Variants in ADAMTS14 observed in about 807,000 individuals in gnomAD.
ADAMTS14 encodes A disintegrin and metalloproteinase with thrombospondin motifs 14.
ADAMTS14 carries 100 observed loss-of-function variants against 128.6 expected under a neutral mutation model. That is an observed-to-expected ratio of 0.78 (90% confidence interval 0.66 to 0.92). The LOEUF is 0.92. ADAMTS14 is among the 40% of genes least tolerant of loss of function. ADAMTS14 has a pLI of 0.00. For missense variants in ADAMTS14, 1,562 were observed against 1,658.6 expected (o/e 0.94, Z 1.01); for synonymous variants, 665 against 653.8 (o/e 1.02, Z -0.26).
Position 70,752,106 on chromosome 10 carries a change from A to G in ADAMTS14, c.2608A>G (p.Thr870Ala). Residue 870 changes from threonine to alanine, a missense_variant, in exon 18 of 22, where the codon ACC (threonine) becomes GCC (alanine). Physicochemically the swap from Thr to Ala is moderately conservative, Grantham distance 58 (BLOSUM62 0). Coordinates refer to ENST00000373207, the MANE Select transcript of ADAMTS14 (RefSeq NM_080722.4). ...TGCCCACCCCATAGGGATCCAGTTC[A>G]CCAAATACGGCTGCCGGCGCAGACG... ...SKACGGGIQF[T>A]KYGCRRRRDH... 1 of 1,613,160 alleles carries G rather than the reference A, an allele frequency of 6.2e-7. No homozygotes were observed. Among genetic ancestry groups the G allele is most frequent in the Non-Finnish European group, 8.5e-7 (1 of 1,179,796 alleles).
intron 2 of ADAMTS14, among the ~76,000 whole-genome samples, chr10:70,694,926 T>A (rs1840289810): frequency 1.3e-5 from 2 of 152,208 alleles, no homozygotes; most frequent in Admixed American, 1.3e-4. Context: ...GTGGTAATGC[T>A]GTTAATCATT....
chr10:70,741,356 T>C (rs987584956), intron 12 of ADAMTS14, among the ~76,000 whole-genome samples, 194 bp downstream of exon 12: 2 of 151,168 alleles, frequency 1.3e-5, no homozygotes, highest in African/African-American at 4.9e-5. Flanking sequence ...ACTTCTGGGG[T>C]CATCATCCCC....
rs1554817512 is a variant in ADAMTS14, at chr10:70,708,820, G to GGGTGGGCCCC, written c.870+43_870+52dup. On this transcript the variant is annotated intron_variant, in intron 4 of 21. Coordinates refer to ENST00000373207, the MANE Select transcript of ADAMTS14 (RefSeq NM_080722.4). ...CCTAGGACTTGGGGGGAGTGGGGTG[G>GGGTGGGCCCC]GGTGGGCCCCACCCCACCCCACTGG... 1,629 of 1,344,640 alleles carry GGGTGGGCCCC rather than the reference G, an allele frequency of 1.2e-3. 14 individuals carry two copies. The highest frequency in any genetic ancestry group is 4.0e-3 in the Admixed American group (160 of 40,310). The allele number at this position is 1,344,640 out of a possible 1,614,324, so 83.3% of individuals were successfully genotyped here. A position where few individuals can be genotyped will look rare whatever the true frequency, so the allele number is the denominator to read the frequency against.
chr10:70,707,174 G>A (rs4747082), intron 3 of ADAMTS14, among the ~76,000 whole-genome samples: 10,733 of 152,106 alleles, frequency 0.071, 494 homozygotes, highest in East Asian at 0.16. Context: ...TTTCTTATTT[G>A]TCCCCTCTAC....
At chr10:70,703,813 T>C (rs1001375552) in intron 3 of ADAMTS14, among the ~76,000 whole-genome samples, 2 of 152,176 alleles carry the variant, frequency 1.3e-5, no homozygotes, top group Non-Finnish European at 2.9e-5. Context: ...CAAAGAAATG[T>C]GGCTGCGACT....
rs968975466 is a variant in ADAMTS14 at position 70,672,609 on chromosome 10, C to T, written c.-194C>T. Among the ~76,000 whole-genome samples the T allele has an allele frequency of 1.3e-5, 2 of 151,684 alleles. No homozygotes were observed. Among genetic ancestry groups the T allele is most frequent in the Non-Finnish European group, 2.9e-5 (2 of 67,856 alleles). On this transcript the variant is annotated 5_prime_UTR_variant, in exon 1 of 22. Transcript: ENST00000373207. Reference sequence around the variant, plus strand: ...GGCAGCCTCGCGCGCCCGGAGCCAGCGGTCCAGGCGGCGGCGCCGCGCAGG... The same window carrying T: ...GGCAGCCTCGCGCGCCCGGAGCCAGTGGTCCAGGCGGCGGCGCCGCGCAGG...
At chr10:70,704,677 G>A (rs72814555) in intron 3 of ADAMTS14, among the ~76,000 whole-genome samples, 31,190 of 140,106 alleles carry the variant, frequency 0.22, 3,593 homozygotes, top group South Asian at 0.27. Context: ...ACAAACACAC[G>A]CTCACAAACA....
rs1564565005 is a variant in ADAMTS14 at position 70,760,697 on chromosome 10, C to T, written c.3516C>T (p.Ile1172=). Residue 1172 remains isoleucine, a synonymous_variant, in exon 22 of 22, where the codon ATC becomes ATT. Coordinates refer to ENST00000373207, the MANE Select transcript of ADAMTS14 (RefSeq NM_080722.4). ...TQHPFAPETP[I]PGASWSISPT... ...ATCCCTTTGCCCCTGAGACACCAAT[C>T]CCTGGAGCATCCTGGAGCATCTCCC... is the stretch of plus-strand genomic sequence containing the variant. The T allele has an allele frequency of 6.2e-7, 1 of 1,614,138 alleles. No individual in the cohort carries two copies. Among genetic ancestry groups the T allele is most frequent in the South Asian group, 1.1e-5 (1 of 91,078 alleles).
rs148767810 is a variant in ADAMTS14, at chr10:70,749,811, C to G, written c.2264-11C>G. On this transcript the variant is annotated splice_polypyrimidine_tract_variant and intron_variant, in intron 15 of 21. Coordinates refer to ENST00000373207, the MANE Select transcript of ADAMTS14 (RefSeq NM_080722.4). ...CAGAAATCTGTGTGACCCTCTCCCC[C>G]CACCGGTCAGTGGTGAAGAACCAGG... 28 of 1,613,284 alleles carry G rather than the reference C, an allele frequency of 1.7e-5. No homozygotes were observed. Among genetic ancestry groups the G allele is most frequent in the Middle Eastern group, 3.3e-4 (2 of 6,054 alleles).
At chr10:70,729,162 A>T (rs2132667220) in intron 4 of ADAMTS14, 132 bp from the exon 5 acceptor site, 1 of 742,446 alleles carries the variant, frequency 1.3e-6, no homozygotes, top group East Asian at 2.7e-5. Flanking sequence ...TTTATCTGTA[A>T]AGTAGGATAA....
chr10:70,734,116 A>T (rs1841744875), intron 8 of ADAMTS14, 88 bp downstream of exon 8: 3 of 1,534,068 alleles, frequency 2.0e-6, no homozygotes, highest in Non-Finnish European at 1.8e-6. Context: ...TGGCTTCCCC[A>T]CGTTGCCCCT....
intron 2 of ADAMTS14, 130 bp from the exon 3 acceptor site, chr10:70,702,182 G>C: frequency 7.4e-7 from 1 of 1,346,968 alleles, no homozygotes; most frequent in Non-Finnish European, 1.0e-6. Context: ...GGCTCCTCAA[G>C]GTCCTGGAGG....
In ADAMTS14 at chr10:70,736,788, G is replaced by C; in HGVS notation, c.1594G>C (p.Gly532Arg). The change falls in exon 10 of 22, where the codon GGC becomes CGC. Residue 532 changes from glycine (G) to arginine (R), a missense_variant. Transcript: ENST00000373207. The stretch of plus-strand genomic sequence containing the variant: ...GCTGGATGGGACTGAGTGTGCACCC[G>C]GCAAGGTACCTGTGGGGTGTGCAGC... Reference protein sequence around the residue: ...PPLDGTECAPGKWCFKGHCIW... With the variant: ...PPLDGTECAPRKWCFKGHCIW... 3 of 1,613,408 alleles carry C rather than the reference G, an allele frequency of 1.9e-6. No homozygotes were observed. The South Asian group carries it at 3.3e-5, about 18-fold the overall frequency.
At position 70,760,875 on chromosome 10, in the gene ADAMTS14, G is replaced by T; in HGVS notation, c.*22G>T. The T allele has an allele frequency of 6.5e-7, 1 of 1,548,398 alleles. No homozygotes were observed. The highest frequency in any genetic ancestry group is 1.2e-5 in the South Asian group (1 of 80,840). On this transcript the variant is annotated 3_prime_UTR_variant, in exon 22 of 22. Transcript: ENST00000373207. ...ATGAGCTGTGCCCTGCCATCCCACT[G>T]GCACGTTTACACTCTGTGTACTGCC...
chr10:70,688,728 G>C (rs1840074345), intron 2 of ADAMTS14, among the ~76,000 whole-genome samples: 1 of 64,980 alleles, frequency 1.5e-5, no homozygotes, highest in African/African-American at 4.8e-5. Flanking sequence ...GTGGCGGCGC[G>C]TGCCTGCAAT....
At chr10:70,689,199 G>A (rs915590112) in intron 2 of ADAMTS14, among the ~76,000 whole-genome samples, 2 of 144,158 alleles carry the variant, frequency 1.4e-5, no homozygotes, top group African/African-American at 2.5e-5. Flanking sequence ...CCTAATCCAC[G>A]GCCACAGTTT....
At chr10:70,728,202 G>A (rs1454270089) in intron 4 of ADAMTS14, among the ~76,000 whole-genome samples, 1 of 152,106 alleles carries the variant, frequency 6.6e-6, no homozygotes, top group Non-Finnish European at 1.5e-5. Flanking sequence ...GTCAAGATTA[G>A]GCTTTTAAAT....
chr10:70,751,624 C>T lies in ADAMTS14; in HGVS notation c.2574C>T (p.Pro858=). The T allele has an allele frequency of 6.2e-7, 1 of 1,611,188 alleles. No individual in the cohort carries two copies. Among genetic ancestry groups the T allele is most frequent in the Non-Finnish European group, 8.5e-7 (1 of 1,177,574 alleles). Reference sequence around the variant, plus strand: ...AGTGGGCGCTCAAGAGCTGGGCCCCCTGCAGCAAGGCCTGTGGAGGAGGTA... The same window carrying T: ...AGTGGGCGCTCAAGAGCTGGGCCCCTTGCAGCAAGGCCTGTGGAGGAGGTA... ...TYEWALKSWA[P]CSKACGGGIQ... is the part of the protein sequence containing the mutation. The change falls in exon 17 of 22, where the codon CCC becomes CCT. Residue 858 remains proline (P), a synonymous_variant. Coordinates refer to ENST00000373207, the MANE Select transcript of ADAMTS14 (RefSeq NM_080722.4).
At chr10:70,717,381 C>T (rs1303906335) in intron 4 of ADAMTS14, among the ~76,000 whole-genome samples, 1 of 152,108 alleles carries the variant, frequency 6.6e-6, no homozygotes, top group Non-Finnish European at 1.5e-5. Flanking sequence ...GGGCGGCAGA[C>T]AGCACAGCAA....
Sources: gnomAD v4.1 joint callset for allele counts (sites outside exome capture counted in the v4.1 genomes callset) on GRCh38, gnomAD v4.1.1 for gene constraint, MANE v1.5 for transcripts, NCBI Gene and HGNC (gene_info 2026-07-23, HGNC 2026-07-21) for gene names.